TNFSF4: variants seen among roughly 807,000 people sequenced by gnomAD.
The protein encoded by TNFSF4 is TNF superfamily member 4.
Under a neutral mutation model 7.3 loss-of-function variants are expected in TNFSF4, and 4 were observed. That is an observed-to-expected ratio of 0.55 (90% confidence interval 0.27 to 1.25). The LOEUF (loss-of-function observed/expected upper bound fraction) is 1.25. Among genes scored for constraint, TNFSF4 ranks in the 50% most tolerant of loss-of-function variants. The pLI, the probability that TNFSF4 is intolerant of heterozygous loss-of-function variation, is 0.12. For missense variants in TNFSF4, 181 were observed against 208.8 expected (o/e 0.87, Z 0.82); for synonymous variants, 76 against 83.7 (o/e 0.91, Z 0.50).
rs2101978533 is a variant in TNFSF4 at position 173,185,161 on chromosome 1, T to C, written c.*1355A>G. On this transcript the variant is annotated 3_prime_UTR_variant, in exon 3 of 3. Coordinates refer to ENST00000281834, the MANE Select transcript of TNFSF4 (RefSeq NM_003326.5). ...AAAGATTCTGTGATGTTGTATCCTC[T>C]ATTGAAAATGTCAGGGAAACATGTG... 1.3e-5 allele frequency: 2 copies of C among 152,340 alleles called. No individual in the cohort carries two copies. Among genetic ancestry groups the C allele is most frequent in the South Asian group, 4.1e-4 (2 of 4,826 alleles). The allele number at this position is 152,340 out of a possible 1,614,324, so 9.4% of individuals were successfully genotyped here. A position where few individuals can be genotyped will look rare whatever the true frequency, so the allele number is the denominator to read the frequency against.
the TNFSF4 span, among the ~76,000 whole-genome samples, chr1:173,369,350 T>C: frequency 6.6e-6 from 1 of 152,202 alleles, no homozygotes; most frequent in African/African-American, 2.4e-5. Context: ...CTGACTTTTC[T>C]TGGTCCTCTT....
the TNFSF4 span, among the ~76,000 whole-genome samples, chr1:173,419,725 AG>A: frequency 6.6e-6 from 1 of 152,210 alleles, no homozygotes; most frequent in East Asian, 1.9e-4. Flanking sequence ...AAAAGGAAGC[AG>A]CCCTGATTGC....
the TNFSF4 span, among the ~76,000 whole-genome samples, chr1:173,297,139 A>G: frequency 1.4e-4 from 21 of 152,094 alleles, no homozygotes; most frequent in African/African-American, 5.1e-4. Context: ...TACAGGGAAG[A>G]GTATAAGGTG....
the TNFSF4 span, among the ~76,000 whole-genome samples, chr1:173,339,079 G>A: frequency 6.6e-6 from 1 of 152,110 alleles, no homozygotes; most frequent in African/African-American, 2.4e-5. Flanking sequence ...TGACAGTTTG[G>A]ATCATCTCAT....
Position 173,185,462 on chromosome 1 carries a change from T to C in TNFSF4, c.*1054A>G, listed in dbSNP as rs1429886200. ...TGGTATTTCTAGACAGAGATCATTA[T>C]TTTTCATAAGGCACAATAACTTCTT... On this transcript the variant is annotated 3_prime_UTR_variant, in exon 3 of 3. Coordinates refer to ENST00000281834, the MANE Select transcript of TNFSF4 (RefSeq NM_003326.5). The C allele has an allele frequency of 6.6e-6, 1 of 152,222 alleles. No homozygotes were observed. Among genetic ancestry groups the C allele is most frequent in the East Asian group, 1.9e-4 (1 of 5,206 alleles). The allele number at this position is 152,222 out of a possible 1,614,324, so 9.4% of individuals were successfully genotyped here.
chr1:173,217,876 G>A, the TNFSF4 span, among the ~76,000 whole-genome samples: 59 of 152,134 alleles, frequency 3.9e-4, no homozygotes, highest in Non-Finnish European at 7.4e-4. Context: ...AGCCTCCTGA[G>A]TAGCTGGGAC....
the TNFSF4 span, among the ~76,000 whole-genome samples, chr1:173,307,858 T>C: frequency 6.6e-6 from 1 of 151,924 alleles, no homozygotes; most frequent in Non-Finnish European, 1.5e-5. Flanking sequence ...TTCTGTAAGG[T>C]TGAATTATTT....
chr1:173,308,067 T>A, the TNFSF4 span, among the ~76,000 whole-genome samples: 8 of 151,968 alleles, frequency 5.3e-5, no homozygotes, highest in Non-Finnish European at 4.4e-5. Context: ...GGGTTGTCTG[T>A]CTTTTTCTTA....
At chr1:173,369,939 C>G in the TNFSF4 span, among the ~76,000 whole-genome samples, 1 of 152,086 alleles carries the variant, frequency 6.6e-6, no homozygotes, top group African/African-American at 2.4e-5. Flanking sequence ...CTCCCTATAG[C>G]TCCTCTTCCT....
At chr1:173,174,356 A>C in the TNFSF4 span, 7 of 152,222 alleles carry the variant, frequency 4.6e-5, no homozygotes, top group Non-Finnish European at 8.8e-5. Flanking sequence ...CCTGTTACCC[A>C]GTTCCAAAGT....
the TNFSF4 span, among the ~76,000 whole-genome samples, chr1:173,366,844 C>T: frequency 6.6e-6 from 1 of 151,990 alleles, no homozygotes. Flanking sequence ...TTTGATTGGA[C>T]ACAATTTTCT....
the TNFSF4 span, among the ~76,000 whole-genome samples, chr1:173,371,894 G>A: frequency 8.9e-3 from 1,363 of 152,302 alleles, 10 homozygotes; most frequent in Middle Eastern, 0.037. Context: ...TTACATGGAC[G>A]GTCTTGCCTC....
the TNFSF4 span, among the ~76,000 whole-genome samples, chr1:173,292,345 A>G: frequency 1.4e-4 from 22 of 152,202 alleles, no homozygotes; most frequent in African/African-American, 4.1e-4. Context: ...AAATCAATAA[A>G]TGTGACTCAC....
At chr1:173,265,921 C>G in the TNFSF4 span, among the ~76,000 whole-genome samples, 1 of 152,144 alleles carries the variant, frequency 6.6e-6, no homozygotes, top group African/African-American at 2.4e-5. Flanking sequence ...GATGGCAAAT[C>G]TAATCATAAA....
the TNFSF4 span, among the ~76,000 whole-genome samples, chr1:173,397,337 C>T: frequency 6.6e-6 from 1 of 152,134 alleles, no homozygotes; most frequent in Non-Finnish European, 1.5e-5. Context: ...TATATTAATA[C>T]ACCTCCCCGC....
chr1:173,241,644 A>T, the TNFSF4 span, among the ~76,000 whole-genome samples: 1 of 152,232 alleles, frequency 6.6e-6, no homozygotes, highest in African/African-American at 2.4e-5. Flanking sequence ...ACAGTTTATT[A>T]GTCACATATA....
the TNFSF4 span, among the ~76,000 whole-genome samples, chr1:173,305,123 C>A: frequency 2.6e-5 from 4 of 151,786 alleles, no homozygotes; most frequent in Non-Finnish European, 5.9e-5. Context: ...ATCCAGACAC[C>A]TAAGAGGCAG....
the TNFSF4 span, among the ~76,000 whole-genome samples, chr1:173,319,713 A>G: frequency 6.6e-6 from 1 of 152,218 alleles, no homozygotes; most frequent in Non-Finnish European, 1.5e-5. Flanking sequence ...ACCCAGGGAA[A>G]CAGGGTCTGA....
the TNFSF4 span, among the ~76,000 whole-genome samples, chr1:173,411,324 TG>T: frequency 6.6e-6 from 1 of 152,214 alleles, no homozygotes; most frequent in Non-Finnish European, 1.5e-5. Context: ...GCTGTAGTTC[TG>T]GTTTAGCTGT....
Sources: gnomAD v4.1 joint callset for allele counts (sites outside exome capture counted in the v4.1 genomes callset) on GRCh38, gnomAD v4.1.1 for gene constraint, MANE v1.5 for transcripts, NCBI Gene and HGNC (gene_info 2026-07-23, HGNC 2026-07-21) for gene names.